HSD17B12: variants seen among roughly 807,000 people sequenced by gnomAD.
The protein encoded by HSD17B12 is hydroxysteroid 17-beta dehydrogenase 12.
HSD17B12 carries 32 observed loss-of-function variants against 39.3 expected under a neutral mutation model. The ratio of observed to expected loss-of-function variants is 0.81; its 90% CI spans 0.61 to 1.09. The LOEUF is 1.09. Among genes scored for constraint, HSD17B12 ranks in the 50% least tolerant of loss-of-function variants. The pLI is 0.00. For missense variants in HSD17B12, 342 were observed against 382.9 expected (o/e 0.89, Z 0.89); for synonymous variants, 150 against 146.7 (o/e 1.02, Z -0.16).
chr11:43,604,514 A>G, the HSD17B12 span, among the ~76,000 whole-genome samples: 1 of 152,336 alleles, frequency 6.6e-6, no homozygotes, highest in African/African-American at 2.4e-5. Flanking sequence ...TAAGGGCCAC[A>G]AAAGTGATTT....
intron 1 of HSD17B12, among the ~76,000 whole-genome samples, chr11:43,684,878 C>T (rs1281002228): frequency 2.6e-5 from 4 of 152,190 alleles, no homozygotes; most frequent in Non-Finnish European, 5.9e-5. Flanking sequence ...CCGCTCCAGC[C>T]CTAGTCAACT....
the HSD17B12 span, among the ~76,000 whole-genome samples, chr11:43,632,468 T>G: frequency 6.6e-6 from 1 of 152,252 alleles, no homozygotes; most frequent in Admixed American, 6.5e-5. Context: ...TGGAAGGGTG[T>G]GGATTTCCTA....
At chr11:43,564,479 C>G in the HSD17B12 span, among the ~76,000 whole-genome samples, 1 of 152,228 alleles carries the variant, frequency 6.6e-6, no homozygotes, top group Non-Finnish European at 1.5e-5. Flanking sequence ...GTTTTTCCTA[C>G]TCTACATTAA....
intron 1 of HSD17B12, among the ~76,000 whole-genome samples, chr11:43,736,576 C>T (rs1950318515): frequency 6.6e-6 from 1 of 152,120 alleles, no homozygotes. Flanking sequence ...CTTCCTCATA[C>T]CATGGGATTG....
At chr11:43,681,092 C>G (rs1387351564) in intron 1 of HSD17B12, 105 bp downstream of exon 1, 1 of 1,401,824 alleles carries the variant, frequency 7.1e-7, no homozygotes. Flanking sequence ...CCCTCCCCAG[C>G]TCTCCTCTTT....
the HSD17B12 span, among the ~76,000 whole-genome samples, chr11:43,654,976 A>G: frequency 6.6e-6 from 1 of 152,298 alleles, no homozygotes; most frequent in East Asian, 1.9e-4. Context: ...ATGGCATTGA[A>G]TCTATAAATT....
intron 6 of HSD17B12, among the ~76,000 whole-genome samples, chr11:43,818,239 C>T (rs1410484251): frequency 6.6e-6 from 1 of 151,962 alleles, no homozygotes; most frequent in African/African-American, 2.4e-5. Flanking sequence ...AAGCATTGTA[C>T]GGGGAATATG....
At chr11:43,853,424 CAG>C (rs565383272) in intron 9 of HSD17B12, 135 of 147,258 alleles carry the variant, frequency 9.2e-4, no homozygotes, top group African/African-American at 3.3e-3. Context: ...TAGAATGGAA[CAG>C]ATCTCAATTT....
At chr11:43,854,617 T>C (rs575329988) in intron 9 of HSD17B12, 98 bp from the exon 10 acceptor site, 2 of 1,305,096 alleles carry the variant, frequency 1.5e-6, no homozygotes, top group East Asian at 4.7e-5. Context: ...GATACAGATG[T>C]TTCTACCACT....
chr11:43,597,060 C>T, the HSD17B12 span, among the ~76,000 whole-genome samples: 6 of 152,220 alleles, frequency 3.9e-5, no homozygotes, highest in Non-Finnish European at 7.3e-5. Flanking sequence ...CATTCACTTA[C>T]CACCTATTAG....
At chr11:43,669,288 G>A in the HSD17B12 span, among the ~76,000 whole-genome samples, 18 of 152,106 alleles carry the variant, frequency 1.2e-4, no homozygotes, top group South Asian at 4.1e-4. Flanking sequence ...ATCACTTGAG[G>A]TCAGGAGTTC....
At chr11:43,605,032 T>C in the HSD17B12 span, among the ~76,000 whole-genome samples, 1 of 152,132 alleles carries the variant, frequency 6.6e-6, no homozygotes, top group Non-Finnish European at 1.5e-5. Flanking sequence ...TATGGAAAAC[T>C]CCCAGGTAGC....
the HSD17B12 span, among the ~76,000 whole-genome samples, chr11:43,600,554 G>A: frequency 2.6e-5 from 4 of 151,954 alleles, no homozygotes; most frequent in Non-Finnish European, 4.4e-5. Context: ...AGTCTGAAAA[G>A]TTTTTTTCTT....
At chr11:43,735,088 C>T (rs775490536) in intron 1 of HSD17B12, among the ~76,000 whole-genome samples, 3 of 152,206 alleles carry the variant, frequency 2.0e-5, no homozygotes, top group Admixed American at 2.0e-4. Flanking sequence ...CACATTGTAG[C>T]ATGTATCAGT....
At chr11:43,682,075 C>G (rs575141264) in intron 1 of HSD17B12, among the ~76,000 whole-genome samples, 28 of 152,228 alleles carry the variant, frequency 1.8e-4, no homozygotes, top group African/African-American at 6.7e-4. Flanking sequence ...TAATGTTACT[C>G]CATGTTCTTT....
intron 7 of HSD17B12, among the ~76,000 whole-genome samples, chr11:43,835,825 C>T (rs1188806869): frequency 2.0e-5 from 3 of 152,152 alleles, no homozygotes; most frequent in African/African-American, 7.2e-5. Flanking sequence ...GAAACAAAAT[C>T]TTAGTTGCCT....
At chr11:43,702,767 A>G (rs1285781068) in intron 1 of HSD17B12, among the ~76,000 whole-genome samples, 1 of 152,030 alleles carries the variant, frequency 6.6e-6, no homozygotes, top group Admixed American at 6.5e-5. Context: ...TTGTGGCCCA[A>G]CACAAATTTC....
At chr11:43,594,969 T>C in the HSD17B12 span, among the ~76,000 whole-genome samples, 1 of 152,234 alleles carries the variant, frequency 6.6e-6, no homozygotes, top group African/African-American at 2.4e-5. Flanking sequence ...ACCACTGTGG[T>C]ATTTCTACAT....
the HSD17B12 span, among the ~76,000 whole-genome samples, chr11:43,581,934 A>G: frequency 2.0e-5 from 3 of 152,170 alleles, no homozygotes; most frequent in Non-Finnish European, 4.4e-5. The surrounding 1 kb of genome is among the most constrained non-coding windows in gnomAD (Gnocchi z 4.9). Flanking sequence ...ATTCTGCAAT[A>G]TGGGGGTGGG....
Sources: allele counts gnomAD v4.1 joint callset (sites outside exome capture counted in the v4.1 genomes callset), GRCh38; gene constraint gnomAD v4.1.1; non-coding constraint Gnocchi (gnomAD v3.1); transcripts MANE v1.5; gene names NCBI Gene and HGNC (gene_info 2026-07-23, HGNC 2026-07-21).